Variants in AHRR observed in about 807,000 individuals in gnomAD.
AHRR encodes the protein aryl hydrocarbon receptor repressor.
AHRR carries 28 observed loss-of-function variants against 44.0 expected under a neutral mutation model. The observed-to-expected ratio is 0.64, with a 90% CI of 0.47 to 0.87. The LOEUF (loss-of-function observed/expected upper bound fraction) is 0.87, where lower values mean the gene tolerates loss of function less well. Ranked by LOEUF, AHRR falls within the 40% of genes least tolerant of loss-of-function variation. AHRR has a pLI of 0.00. For synonymous variants in AHRR, 434 were observed against 407.0 expected (o/e 1.07, Z -0.80); for missense variants, 990 against 953.9 (o/e 1.04, Z -0.50).
chr5:404,714 G>A lies in AHRR; in HGVS notation c.352-8630G>A, dbSNP rs1735185815. ...TCTTGTCACATGAGCTAAAACTAAA[G>A]TCCCTAAGAATCCTCCAAGAAAGAT... On this transcript the variant is annotated intron_variant, in intron 4 of 10. Coordinates refer to ENST00000684583, the MANE Select transcript of AHRR (RefSeq NM_001377236.1). This position sits in a 1 kb window ranked among gnomAD's most constrained non-coding sequence, Gnocchi z 4.1. 6.6e-6 allele frequency among the ~76,000 whole-genome samples: 1 copy of A among 152,186 alleles called. No individual in the cohort carries two copies. Among genetic ancestry groups the A allele is most frequent in the African/African-American group, 2.4e-5 (1 of 41,450 alleles).
chr5:381,406 C>G (rs1733975470), intron 4 of AHRR, among the ~76,000 whole-genome samples: 1 of 150,326 alleles, frequency 6.7e-6, no homozygotes, highest in Non-Finnish European at 1.5e-5. Flanking sequence ...ATGTCCAGTA[C>G]AGTATAGATT....
At chr5:346,181 T>A (rs1340499637) in intron 2 of AHRR, among the ~76,000 whole-genome samples, 1 of 152,172 alleles carries the variant, frequency 6.6e-6, no homozygotes, top group Non-Finnish European at 1.5e-5. Flanking sequence ...CTGCAATTCA[T>A]ATATAAAGGG....
rs1024052604 is a variant in AHRR, at chr5:404,411, G to A, written c.352-8933G>A. On this transcript the variant is annotated intron_variant, in intron 4 of 10. Transcript: ENST00000684583. The surrounding 1 kb of genome is among the most constrained non-coding windows in gnomAD (Gnocchi z 4.1). ...AGCCTTTTGCATGATTTAGGAAGGAGAGTCTTGGGGCAGAAGCAACAGGGG... is the reference window on the plus strand; with the variant it reads ...AGCCTTTTGCATGATTTAGGAAGGAAAGTCTTGGGGCAGAAGCAACAGGGG... 3.7e-6 allele frequency: 2 copies of A among 538,038 alleles called. No individual in the cohort carries two copies. Among genetic ancestry groups the A allele is most frequent in the Non-Finnish European group, 3.8e-6 (1 of 264,360 alleles). 33.3% of individuals were successfully genotyped at this position (538,038 alleles called of 1,614,324 possible).
At chr5:374,583 T>G (rs576699341) in intron 3 of AHRR, among the ~76,000 whole-genome samples, 1 of 152,310 alleles carries the variant, frequency 6.6e-6, no homozygotes, top group East Asian at 1.9e-4. Context: ...TTACATTTAG[T>G]GCAGTGAACA....
chr5:394,794 G>C (rs966874807), intron 4 of AHRR, among the ~76,000 whole-genome samples: 1 of 152,264 alleles, frequency 6.6e-6, no homozygotes, highest in Non-Finnish European at 1.5e-5. Flanking sequence ...GCAGAGGGGA[G>C]GGCAGGTGGG....
At position 413,325 on chromosome 5, in the gene AHRR, GT is replaced by G. The variant is rs1336351190; in HGVS notation, c.352-15del. On this transcript the variant is annotated intron_variant, in intron 4 of 10. Coordinates refer to ENST00000684583, the MANE Select transcript of AHRR (RefSeq NM_001377236.1). ...GTGAGCCAATTCGATTTTTTTTTTT[GT>G]TTTGTTTTTTCTTCTAGTCTCTTAA... is the stretch of plus-strand genomic sequence containing the variant. 4 of 1,464,044 alleles carry G rather than the reference GT, an allele frequency of 2.7e-6. No homozygotes were observed. In the African/African-American group the frequency reaches 5.8e-5, roughly 21 times the overall value. 90.7% of individuals were successfully genotyped at this position (1,464,044 alleles called of 1,614,324 possible).
intron 5 of AHRR, among the ~76,000 whole-genome samples, chr5:418,111 G>T (rs1277389836): frequency 6.6e-6 from 1 of 152,216 alleles, no homozygotes; most frequent in Non-Finnish European, 1.5e-5. Flanking sequence ...GCACAAAAAG[G>T]TAAAAATGTT....
At chr5:356,166 A>G (rs1270294854) in intron 3 of AHRR, among the ~76,000 whole-genome samples, 4 of 152,182 alleles carry the variant, frequency 2.6e-5, no homozygotes, top group African/African-American at 9.7e-5. Flanking sequence ...TGGTGATTTT[A>G]CTATTCACAC....
At chr5:415,024 G>T (rs1197901469) in intron 5 of AHRR, among the ~76,000 whole-genome samples, 1 of 152,246 alleles carries the variant, frequency 6.6e-6, no homozygotes, top group African/African-American at 2.4e-5. Context: ...CAGACCCTCA[G>T]TGGCACGGGG....
chr5:391,265 G>T (rs116565933), intron 4 of AHRR, among the ~76,000 whole-genome samples: 1 of 150,650 alleles, frequency 6.6e-6, no homozygotes, highest in Admixed American at 6.6e-5. Context: ...GGAGCTCTGC[G>T]GGGGGAGCTG....
chr5:351,066 C>T (rs1013786835), intron 2 of AHRR, among the ~76,000 whole-genome samples: 1 of 152,128 alleles, frequency 6.6e-6, no homozygotes, highest in Non-Finnish European at 1.5e-5. Flanking sequence ...CCACTTCACA[C>T]ACACCAGAAT....
At chr5:348,787 A>G (rs1190361571) in intron 2 of AHRR, among the ~76,000 whole-genome samples, 1 of 152,240 alleles carries the variant, frequency 6.6e-6, no homozygotes, top group Non-Finnish European at 1.5e-5. Context: ...AGACTGTTAC[A>G]AATAAAGCTA....
rs1743530454 is a variant in AHRR at position 370,311 on chromosome 5, G to A, written c.245-6299G>A. 1.3e-5 allele frequency among the ~76,000 whole-genome samples: 2 copies of A among 152,236 alleles called. No individual in the cohort carries two copies. Among genetic ancestry groups the A allele is most frequent in the Non-Finnish European group, 2.9e-5 (2 of 68,046 alleles). On this transcript the variant is annotated intron_variant, in intron 3 of 10. Coordinates refer to ENST00000684583, the MANE Select transcript of AHRR (RefSeq NM_001377236.1). The surrounding 1 kb of genome is among the most constrained non-coding windows in gnomAD (Gnocchi z 4.5). ...CTCATTTACTCCCCGTGTTACGGTT[G>A]TGCAGCATTTCCTGGATCCACAGTC...
intron 1 of AHRR, among the ~76,000 whole-genome samples, chr5:335,975 G>A (rs1459731889): frequency 6.6e-6 from 1 of 152,232 alleles, no homozygotes; most frequent in East Asian, 1.9e-4. Context: ...AGTTCCGCAA[G>A]CAGCAGTCCA....
At chr5:368,084 C>T (rs77111113) in intron 3 of AHRR, 59,860 of 595,414 alleles carry the variant, frequency 0.1, 3,712 homozygotes, top group Non-Finnish European at 0.12. Context: ...ATAAATTTAC[C>T]TACGAATTCA....
chr5:353,964 C>CAGA, intron 3 of AHRR, 53 bp downstream of exon 3: 1 of 1,552,970 alleles, frequency 6.4e-7, no homozygotes, highest in Non-Finnish European at 8.8e-7. Context: ...TGTGTCTCCC[C>CAGA]TGAGTCCATC....
intron 4 of AHRR, among the ~76,000 whole-genome samples, chr5:408,015 G>T (rs761634110): frequency 1.3e-5 from 2 of 152,210 alleles, no homozygotes; most frequent in Admixed American, 6.5e-5. Flanking sequence ...GAGTTGGCAG[G>T]TTTCTTCTTT....
chr5:345,834 C>A (rs923056725), intron 2 of AHRR, among the ~76,000 whole-genome samples: 14 of 152,034 alleles, frequency 9.2e-5, no homozygotes, highest in Non-Finnish European at 1.5e-4. Context: ...GGTAAGGCCT[C>A]CCTTGGGAAG....
intron 1 of AHRR, chr5:343,631 C>T: frequency 2.1e-6 from 1 of 470,806 alleles, no homozygotes. Flanking sequence ...CCAGAGCAGG[C>T]GGCTTCTCTG....
Sources: gnomAD v4.1 joint callset for allele counts (sites outside exome capture counted in the v4.1 genomes callset) on GRCh38, gnomAD v4.1.1 for gene constraint, Gnocchi (gnomAD v3.1) non-coding constraint, MANE v1.5 for transcripts, NCBI Gene and HGNC (gene_info 2026-07-23, HGNC 2026-07-21) for gene names.